PIK3C2G: variants seen among roughly 807,000 people sequenced by gnomAD.
PIK3C2G encodes the protein phosphatidylinositol-4-phosphate 3-kinase catalytic subunit type 2 gamma.
In PIK3C2G, 168 loss-of-function variants were observed where a neutral mutation model predicts 181.1. That is an observed-to-expected ratio of 0.93 (90% CI 0.82 to 1.05). The LOEUF (loss-of-function observed/expected upper bound fraction) is 1.05. Ranked by LOEUF, PIK3C2G falls within the 50% of genes least tolerant of loss-of-function variation. The pLI, the probability that PIK3C2G is intolerant of heterozygous loss-of-function variation, is 0.00. For missense variants in PIK3C2G, 1,869 were observed against 1,732.8 expected (o/e 1.08, Z -1.40); for synonymous variants, 573 against 592.2 (o/e 0.97, Z 0.47).
intron 29 of PIK3C2G, among the ~76,000 whole-genome samples, chr12:18,574,577 C>T (rs1359476756): frequency 6.6e-6 from 1 of 152,086 alleles, no homozygotes; most frequent in Non-Finnish European, 1.5e-5. Flanking sequence ...TTGATTAGGG[C>T]ATTAACAGGT....
the PIK3C2G span, among the ~76,000 whole-genome samples, chr12:18,681,071 T>C: frequency 6.6e-6 from 1 of 152,072 alleles, no homozygotes; most frequent in Non-Finnish European, 1.5e-5. Flanking sequence ...CTTTGTCGTG[T>C]TCCGTCATGG....
chr12:18,320,264 T>C (rs544544603), intron 6 of PIK3C2G, among the ~76,000 whole-genome samples: 65 of 152,300 alleles, frequency 4.3e-4, no homozygotes, highest in African/African-American at 1.4e-3. Flanking sequence ...CTCTGCATAC[T>C]TGCAAAGGGT....
Position 18,563,392 on chromosome 12 carries a change from G to A in PIK3C2G, c.3796G>A (p.Val1266Met), listed in dbSNP as rs749959266. The A allele has an allele frequency of 1.1e-5, 17 of 1,612,102 alleles. No individual in the cohort carries two copies. The highest frequency in any genetic ancestry group is 1.4e-5 in the Non-Finnish European group (16 of 1,178,990). Residue 1266 changes from valine (V) to methionine (M), a missense_variant, in exon 28 of 33, where the codon GTG becomes ATG. By Grantham distance (21) the Val-to-Met change is conservative. Coordinates refer to ENST00000538779, the MANE Select transcript of PIK3C2G (RefSeq NM_001288772.2). ...KKSSNLYLIQ[V>M]THSNNETSLT... ...CTTTCTGCAGCTGTATCTGATCCAGGTGACACACAGCAACAACGAAACAAG... is the reference window on the plus strand; with the variant it reads ...CTTTCTGCAGCTGTATCTGATCCAGATGACACACAGCAACAACGAAACAAG...
chr12:18,515,389 CT>C (rs147789158), intron 24 of PIK3C2G, among the ~76,000 whole-genome samples: 4,041 of 152,042 alleles, frequency 0.027, 178 homozygotes, highest in African/African-American at 0.092. Flanking sequence ...ATTACTACTT[CT>C]GTCTTGTTAC....
At chr12:18,550,949 A>G (rs1944697658) in intron 26 of PIK3C2G, among the ~76,000 whole-genome samples, 1 of 152,062 alleles carries the variant, frequency 6.6e-6, no homozygotes, top group Non-Finnish European at 1.5e-5. Context: ...CTCTTGGAGA[A>G]TGTACTCTAT....
At chr12:18,562,203 C>T (rs1945382559) in intron 26 of PIK3C2G, among the ~76,000 whole-genome samples, 1 of 152,212 alleles carries the variant, frequency 6.6e-6, no homozygotes, top group South Asian at 2.1e-4. Context: ...AGGATCTCGG[C>T]TCATTGCAAG....
intron 18 of PIK3C2G, among the ~76,000 whole-genome samples, chr12:18,443,418 A>G (rs1368869215): frequency 1.3e-5 from 2 of 151,892 alleles, no homozygotes; most frequent in Non-Finnish European, 2.9e-5. Flanking sequence ...ATGTGAATGT[A>G]TTGTACTTTT....
intron 18 of PIK3C2G, among the ~76,000 whole-genome samples, chr12:18,468,711 T>A (rs567118780): frequency 6.6e-6 from 1 of 152,072 alleles, no homozygotes; most frequent in East Asian, 1.9e-4. Flanking sequence ...AAAAAATAAT[T>A]TCCAGCCATT....
intron 1 of PIK3C2G, among the ~76,000 whole-genome samples, chr12:18,255,155 G>T (rs553759898): frequency 2.4e-4 from 37 of 151,378 alleles, no homozygotes; most frequent in Non-Finnish European, 3.7e-4. Flanking sequence ...AGTGGAGATT[G>T]CGGTGAGCTG....
chr12:18,638,886 T>C (rs1172199690), intron 31 of PIK3C2G, among the ~76,000 whole-genome samples: 1 of 143,282 alleles, frequency 7.0e-6, no homozygotes, highest in East Asian at 2.1e-4. Flanking sequence ...ATCCTCAAGT[T>C]CCAAAACAGA....
chr12:18,293,040 T>G (rs1401623831), intron 4 of PIK3C2G, among the ~76,000 whole-genome samples: 1 of 152,178 alleles, frequency 6.6e-6, no homozygotes, highest in African/African-American at 2.4e-5. Context: ...ATAGGTACAA[T>G]AATCAAGAAA....
intron 15 of PIK3C2G, among the ~76,000 whole-genome samples, chr12:18,394,153 A>G (rs1422295696): frequency 6.6e-6 from 1 of 152,108 alleles, no homozygotes; most frequent in African/African-American, 2.4e-5. Context: ...TGTCCCTTAC[A>G]TTTAATAAAG....
intron 30 of PIK3C2G, among the ~76,000 whole-genome samples, chr12:18,595,552 C>T (rs1047891720): frequency 6.6e-6 from 1 of 152,102 alleles, no homozygotes; most frequent in African/African-American, 2.4e-5. Context: ...TACTCACTAA[C>T]TAAACATGCC....
In PIK3C2G at chr12:18,293,925, T is replaced by C. The variant is rs369352037; in HGVS notation, c.944T>C (p.Ile315Thr). ...GCTAATTATCTTGTCAAAGATCTAATTGCAGAAATTCTGCATTTTTGCACA... is the reference window on the plus strand; with the variant it reads ...GCTAATTATCTTGTCAAAGATCTAACTGCAGAAATTCTGCATTTTTGCACA... Reference protein sequence around the residue: ...PCANYLVKDLIAEILHFCTND... With the variant: ...PCANYLVKDLTAEILHFCTND... Residue 315 changes from isoleucine to threonine, a missense_variant, in exon 5 of 33, where the codon ATT (isoleucine) becomes ACT (threonine). By Grantham distance (89) the Ile-to-Thr change is moderately conservative (BLOSUM62 -1). Transcript: ENST00000538779. The C allele has an allele frequency of 7.7e-6, 12 of 1,552,230 alleles. No homozygotes were observed. Among genetic ancestry groups the C allele is most frequent in the East Asian group, 2.2e-5 (1 of 44,544 alleles).
chr12:18,330,198 T>C (rs1937782522), intron 8 of PIK3C2G, among the ~76,000 whole-genome samples: 1 of 152,140 alleles, frequency 6.6e-6, no homozygotes, highest in African/African-American at 2.4e-5. Context: ...AATGCACCCA[T>C]GTTAAGTGGG....
At chr12:18,307,137 A>T (rs1950452423) in intron 5 of PIK3C2G, among the ~76,000 whole-genome samples, 1 of 149,962 alleles carries the variant, frequency 6.7e-6, no homozygotes, top group African/African-American at 2.5e-5. Flanking sequence ...TAAGGTCATT[A>T]ATCTCTCTTT....
chr12:18,594,089 T>C (rs1411610790), intron 29 of PIK3C2G, among the ~76,000 whole-genome samples: 1 of 151,946 alleles, frequency 6.6e-6, no homozygotes, highest in African/African-American at 2.4e-5. Flanking sequence ...TGAGTAGTAG[T>C]GGTTACTCAC....
intron 18 of PIK3C2G, among the ~76,000 whole-genome samples, chr12:18,487,006 T>G (rs953446147): frequency 6.6e-6 from 1 of 152,042 alleles, no homozygotes; most frequent in Non-Finnish European, 1.5e-5. Flanking sequence ...GTAGGAAAAT[T>G]TTTCACTGCT....
chr12:18,497,955 T>G (rs1022608552), intron 22 of PIK3C2G, among the ~76,000 whole-genome samples: 5 of 152,324 alleles, frequency 3.3e-5, no homozygotes, highest in Admixed American at 6.5e-5. Flanking sequence ...CTTTTAGGTA[T>G]TAATTAGGAC....
Sources: allele counts gnomAD v4.1 joint callset (sites outside exome capture counted in the v4.1 genomes callset), GRCh38; gene constraint gnomAD v4.1.1; transcripts MANE v1.5; gene names NCBI Gene and HGNC (gene_info 2026-07-23, HGNC 2026-07-21).